EPHA3: variants seen among roughly 807,000 people sequenced by gnomAD.
EPHA3 encodes the protein ephrin type-A receptor 3.
EPHA3 carries 42 observed loss-of-function variants against 107.1 expected under a neutral mutation model. That is an observed-to-expected ratio of 0.39 (90% CI 0.31 to 0.51). The LOEUF (loss-of-function observed/expected upper bound fraction) is 0.51. Among genes scored for constraint, EPHA3 ranks in the 20% least tolerant of loss-of-function variants. EPHA3 has a pLI of 0.78. For synonymous variants in EPHA3, 461 were observed against 424.8 expected (o/e 1.09, Z -1.05); for missense variants, 1,183 against 1,211.2 (o/e 0.98, Z 0.35).
At chr3:89,139,057 ATTCTT>A (rs1354579205) in intron 2 of EPHA3, among the ~76,000 whole-genome samples, 1 of 151,876 alleles carries the variant, frequency 6.6e-6, no homozygotes, top group East Asian at 1.9e-4. Flanking sequence ...AACAGTCAAT[ATTCTT>A]TTGGGCCTAA....
intron 7 of EPHA3, among the ~76,000 whole-genome samples, chr3:89,406,122 T>C (rs1709050551): frequency 6.6e-6 from 1 of 152,184 alleles, no homozygotes; most frequent in Non-Finnish European, 1.5e-5. Context: ...AAATGAAGAC[T>C]TAAACTAGGA....
At chr3:89,175,217 C>G (rs555124961) in intron 2 of EPHA3, among the ~76,000 whole-genome samples, 2 of 151,972 alleles carry the variant, frequency 1.3e-5, no homozygotes, top group South Asian at 2.1e-4. Flanking sequence ...CAAATTGGGT[C>G]ACAGGTGCCA....
chr3:89,437,165 A>ACTGTTAT (rs1559696168), intron 13 of EPHA3, among the ~76,000 whole-genome samples: 1 of 152,178 alleles, frequency 6.6e-6, no homozygotes, highest in Non-Finnish European at 1.5e-5. Flanking sequence ...ATTGAAAGCC[A>ACTGTTAT]CTGTTATAGA....
chr3:89,302,707 T>C (rs1040421220), intron 3 of EPHA3, among the ~76,000 whole-genome samples: 2 of 152,174 alleles, frequency 1.3e-5, no homozygotes, highest in African/African-American at 4.8e-5. Flanking sequence ...TTAGAATCCA[T>C]AGAATCCTTG....
intron 2 of EPHA3, among the ~76,000 whole-genome samples, chr3:89,173,291 A>AATGTCCAAATTTAATTTGGAATTCCT (rs1354902134): frequency 1.6e-4 from 24 of 152,092 alleles, no homozygotes; most frequent in Admixed American, 1.0e-3. Context: ...GCATAAATTA[A>AATGTCCAAATTTAATTTGGAATTCCT]ATGTCCAAAT....
intron 3 of EPHA3, among the ~76,000 whole-genome samples, chr3:89,254,946 T>C (rs1705246677): frequency 6.6e-6 from 1 of 152,186 alleles, no homozygotes; most frequent in South Asian, 2.1e-4. Flanking sequence ...CTGAATAATA[T>C]AGCAAAGAGA....
chr3:89,341,771 A>C lies in EPHA3; in HGVS notation c.987A>C (p.Pro329=). 1.2e-6 allele frequency: 2 copies of C among 1,610,546 alleles called. No homozygotes were observed. Among genetic ancestry groups the C allele is most frequent in the Non-Finnish European group, 1.7e-6 (2 of 1,177,968 alleles). Reference sequence around the variant, plus strand: ...ACTTTGCAGGACCTCCATCTTCACCAAGAAATGTTATCTCTAATATAAACG... The same window carrying C: ...ACTTTGCAGGACCTCCATCTTCACCCAGAAATGTTATCTCTAATATAAACG... The part of the protein sequence containing the change: ...SMACTRPPSS[P]RNVISNINET... The change falls in exon 5 of 17, where the codon CCA becomes CCC. Residue 329 remains proline, a synonymous_variant. Transcript: ENST00000336596.
intron 3 of EPHA3, among the ~76,000 whole-genome samples, chr3:89,315,805 G>C (rs559682275): frequency 2.4e-4 from 37 of 151,640 alleles, no homozygotes; most frequent in Non-Finnish European, 5.0e-4. Context: ...TTCAGAAAAG[G>C]GATTTATTCT....
intron 5 of EPHA3, among the ~76,000 whole-genome samples, chr3:89,370,203 C>A (rs1708270176): frequency 6.6e-6 from 1 of 150,930 alleles, no homozygotes; most frequent in Non-Finnish European, 1.5e-5. Context: ...AAGACACATG[C>A]ACACCTATGT....
At chr3:89,397,909 G>T (rs757756829) in intron 6 of EPHA3, among the ~76,000 whole-genome samples, 13 of 151,972 alleles carry the variant, frequency 8.6e-5, no homozygotes, top group Non-Finnish European at 1.5e-4. Context: ...ATTAGCTATT[G>T]CAGGAAAAAA....
At chr3:89,472,312 A>G in intron 15 of EPHA3, 152 bp from the exon 16 acceptor site, 1 of 805,314 alleles carries the variant, frequency 1.2e-6, no homozygotes, top group Non-Finnish European at 1.9e-6. Flanking sequence ...GCCAGCTTGA[A>G]CAGATGAAGC....
chr3:89,441,828 A>G (rs544298312), intron 13 of EPHA3, among the ~76,000 whole-genome samples: 2 of 152,218 alleles, frequency 1.3e-5, no homozygotes, highest in Non-Finnish European at 2.9e-5. Context: ...TCAGAACTAC[A>G]GATCCTCAGC....
At chr3:89,220,462 T>C (rs1414450823) in intron 3 of EPHA3, among the ~76,000 whole-genome samples, 5 of 152,168 alleles carry the variant, frequency 3.3e-5, no homozygotes, top group Admixed American at 6.5e-5. Flanking sequence ...AAGATGGATA[T>C]TTTAAAACTG....
intron 2 of EPHA3, among the ~76,000 whole-genome samples, chr3:89,163,473 AT>A (rs563146572): frequency 1.3e-5 from 2 of 152,034 alleles, no homozygotes; most frequent in Non-Finnish European, 2.9e-5. Context: ...TTTTTATCAT[AT>A]TTTTTAATAT....
intron 3 of EPHA3, among the ~76,000 whole-genome samples, chr3:89,274,060 C>G (rs1177745251): frequency 6.6e-6 from 1 of 151,910 alleles, no homozygotes; most frequent in Non-Finnish European, 1.5e-5. Flanking sequence ...TGTCAGGCAA[C>G]TCAAGTTTTT....
Position 89,407,330 on chromosome 3 carries a change from AATT to A in EPHA3, c.1660_1662del (p.Ile554del). On this transcript the variant is annotated inframe_deletion, in exon 8 of 17. Coordinates refer to ENST00000336596, the MANE Select transcript of EPHA3 (RefSeq NM_005233.6). Reference sequence around the variant, plus strand: ...TGATCGCCATTTCAGCGGCAGTAGCAATTATTCTCCTCACTGTTGTCATCTATG... The same window carrying A: ...TGATCGCCATTTCAGCGGCAGTAGCAATTCTCCTCACTGTTGTCATCTATG... 1 of 1,613,602 alleles carries A rather than the reference AATT, an allele frequency of 6.2e-7. No homozygotes were observed. Among genetic ancestry groups the A allele is most frequent in the Non-Finnish European group, 8.5e-7 (1 of 1,179,652 alleles).
chr3:89,411,841 C>A (rs768587697), intron 9 of EPHA3, among the ~76,000 whole-genome samples: 1 of 151,832 alleles, frequency 6.6e-6, no homozygotes, highest in African/African-American at 2.4e-5. Context: ...GATTGGTTCA[C>A]GCAGGGTGTT....
chr3:89,211,722 CTTTTTCTTCTTCTTCTTCTCCT>C (rs1704091036), intron 3 of EPHA3, among the ~76,000 whole-genome samples: 1 of 139,528 alleles, frequency 7.2e-6, no homozygotes, highest in Non-Finnish European at 1.6e-5. Flanking sequence ...TCCTCTTCTT[CTTTTTCTTCTTCTTCTTCTCCT>C]TCTTCTTCTT....
At chr3:89,459,239 T>C (rs1191037301) in intron 15 of EPHA3, among the ~76,000 whole-genome samples, 3 of 152,160 alleles carry the variant, frequency 2.0e-5, no homozygotes, top group African/African-American at 7.2e-5. Context: ...AGAAAACTAT[T>C]CTGAATTTTG....
Sources: gnomAD v4.1 joint callset for allele counts (sites outside exome capture counted in the v4.1 genomes callset) on GRCh38, gnomAD v4.1.1 for gene constraint, MANE v1.5 for transcripts, NCBI Gene and HGNC (gene_info 2026-07-23, HGNC 2026-07-21) for gene names.